The following TBC1D1 variants were observed in gnomAD, a reference collection of about 807,000 sequenced individuals.
TBC1D1 encodes TBC1 domain family member 1, also known as TBC1 (tre-2/USP6, BUB2, cdc16) domain family, member 1.
Under a neutral mutation model 125.6 loss-of-function variants are expected in TBC1D1, and 89 were observed. The observed-to-expected ratio is 0.71, with a 90% CI of 0.60 to 0.85. The LOEUF is 0.85. Ranked by LOEUF, TBC1D1 falls within the 40% of genes least tolerant of loss-of-function variation. The pLI is 0.00. For missense variants in TBC1D1, 1,377 were observed against 1,469.2 expected, an observed-to-expected ratio of 0.94 and a Z score of 1.03; for synonymous variants, 565 against 564.1, an observed-to-expected ratio of 1.00 and a Z score of -0.02.
chr4:37,928,529 GCT>G (rs1722584463), intron 2 of TBC1D1, among the ~76,000 whole-genome samples: 1 of 152,124 alleles, frequency 6.6e-6, no homozygotes, highest in South Asian at 2.1e-4. Context: ...AAGATCCACT[GCT>G]CTGTTTTGCT....
intron 7 of TBC1D1, among the ~76,000 whole-genome samples, chr4:38,029,395 C>T (rs1745704756): frequency 6.6e-6 from 1 of 152,178 alleles, no homozygotes; most frequent in South Asian, 2.1e-4. Context: ...GAGACAGAGT[C>T]TCGCTCTGTT....
intron 2 of TBC1D1, among the ~76,000 whole-genome samples, chr4:37,909,308 G>A (rs1023568228): frequency 1.3e-5 from 2 of 152,104 alleles, no homozygotes; most frequent in Non-Finnish European, 2.9e-5. Context: ...TTGTTGCCTT[G>A]GCTGAGTTTT....
At chr4:38,017,522 C>G (rs562723915) in intron 3 of TBC1D1, among the ~76,000 whole-genome samples, 176 of 152,298 alleles carry the variant, frequency 1.2e-3, no homozygotes, top group Non-Finnish European at 2.0e-3. Flanking sequence ...TCTTGGGCCC[C>G]CTCATTGAGA....
intron 2 of TBC1D1, among the ~76,000 whole-genome samples, chr4:37,994,529 C>T (rs1255147904): frequency 6.6e-6 from 1 of 152,198 alleles, no homozygotes; most frequent in Non-Finnish European, 1.5e-5. Context: ...CAGACGTGAA[C>T]CACCATGCCC....
At chr4:38,117,074 T>A (rs992577962) in intron 16 of TBC1D1, among the ~76,000 whole-genome samples, 2 of 152,186 alleles carry the variant, frequency 1.3e-5, no homozygotes, top group Non-Finnish European at 1.5e-5. Context: ...GCAGTGGAAT[T>A]TTTGAGTTTT....
At chr4:37,933,390 C>A (rs1040249598) in intron 2 of TBC1D1, among the ~76,000 whole-genome samples, 2 of 151,848 alleles carry the variant, frequency 1.3e-5, no homozygotes, top group Admixed American at 1.3e-4. Flanking sequence ...TACACACACA[C>A]ACCTGTGTAT....
At chr4:37,909,559 C>T (rs1262177691) in intron 2 of TBC1D1, among the ~76,000 whole-genome samples, 1 of 152,042 alleles carries the variant, frequency 6.6e-6, no homozygotes, top group East Asian at 1.9e-4. Flanking sequence ...GAGTGAAGAT[C>T]GAAGATTACA....
At chr4:38,057,999 C>G (rs1475857482) in intron 12 of TBC1D1, among the ~76,000 whole-genome samples, 1 of 152,226 alleles carries the variant, frequency 6.6e-6, no homozygotes, top group Non-Finnish European at 1.5e-5. Flanking sequence ...CTATAGGCAT[C>G]TGTGTTGGGC....
chr4:38,083,632 A>C (rs1396689566), intron 12 of TBC1D1, among the ~76,000 whole-genome samples: 1 of 152,208 alleles, frequency 6.6e-6, no homozygotes, highest in East Asian at 1.9e-4. Flanking sequence ...TTTTATGCAG[A>C]TTTCGCAGAT....
intron 11 of TBC1D1, 33 bp downstream of exon 11, chr4:38,049,931 C>G: frequency 3.8e-6 from 6 of 1,588,620 alleles, no homozygotes; most frequent in Non-Finnish European, 5.1e-6. Context: ...GCATAAATAG[C>G]TGGGGCATAT....
chr4:37,934,440 G>T (rs1420963937), intron 2 of TBC1D1, among the ~76,000 whole-genome samples: 1 of 152,150 alleles, frequency 6.6e-6, no homozygotes, highest in Admixed American at 6.6e-5. Flanking sequence ...ACGGGAGGGA[G>T]CGAAGAGAGT....
At chr4:38,045,619 C>T (rs774478593) in intron 9 of TBC1D1, among the ~76,000 whole-genome samples, 198 bp from the exon 10 acceptor site, 5 of 152,040 alleles carry the variant, frequency 3.3e-5, no homozygotes, top group South Asian at 4.1e-4. Context: ...TGTTTTGGAA[C>T]GTTTAGGTTA....
intron 2 of TBC1D1, among the ~76,000 whole-genome samples, chr4:38,000,838 A>G (rs1738904477): frequency 6.6e-6 from 1 of 152,136 alleles, no homozygotes; most frequent in Non-Finnish European, 1.5e-5. Context: ...TCAAGTTCCC[A>G]CCACCTCCTC....
At chr4:38,129,634 A>G (rs605073) in intron 18 of TBC1D1, among the ~76,000 whole-genome samples, 44,672 of 152,010 alleles carry the variant, frequency 0.29, 7,398 homozygotes, top group Middle Eastern at 0.4. Context: ...TCTGCAAACC[A>G]TCAGGGTTCA....
chr4:37,986,643 G>A (rs1378801201), intron 2 of TBC1D1, among the ~76,000 whole-genome samples: 2 of 151,844 alleles, frequency 1.3e-5, no homozygotes, highest in African/African-American at 4.8e-5. Flanking sequence ...ATGGGGTTTC[G>A]CCATGTTGGC....
chr4:38,073,438 T>G (rs552163366), intron 12 of TBC1D1, among the ~76,000 whole-genome samples: 2 of 152,338 alleles, frequency 1.3e-5, no homozygotes, highest in African/African-American at 4.8e-5. Flanking sequence ...TGAGGTAATA[T>G]CTCATTGTGG....
chr4:38,105,358 AACAG>A (rs1281715801), intron 15 of TBC1D1, among the ~76,000 whole-genome samples: 21 of 152,190 alleles, frequency 1.4e-4, no homozygotes, highest in African/African-American at 4.8e-4. Flanking sequence ...AGAAAATAGA[AACAG>A]ACAGGTTACG....
Position 38,137,182 on chromosome 4 carries a change from C to A in TBC1D1, c.3354C>A (p.Leu1118=). The change falls in exon 20 of 20, where the codon CTC becomes CTA. Residue 1118 remains leucine (L), a synonymous_variant. Coordinates refer to ENST00000261439, the MANE Select transcript of TBC1D1 (RefSeq NM_015173.4). ...GCCTTGAGGCCACCATTGAGAAGCT[C>A]CTGAGCAGTGAGAGCAAGCTGAAGC... 1 of 1,613,384 alleles carries A rather than the reference C, an allele frequency of 6.2e-7. No homozygotes were observed. The highest frequency in any genetic ancestry group is 8.5e-7 in the Non-Finnish European group (1 of 1,180,036).
chr4:38,125,580 A>G (rs1367161200), intron 18 of TBC1D1, among the ~76,000 whole-genome samples: 2 of 151,432 alleles, frequency 1.3e-5, no homozygotes, highest in Non-Finnish European at 2.9e-5. Flanking sequence ...CATATATTCT[A>G]TGAATTTGTT....
Sources: allele counts gnomAD v4.1 joint callset (sites outside exome capture counted in the v4.1 genomes callset), GRCh38; gene constraint gnomAD v4.1.1; transcripts MANE v1.5; gene names NCBI Gene and HGNC (gene_info 2026-07-23, HGNC 2026-07-21).